PDSS2: variants seen among roughly 807,000 people sequenced by gnomAD.
The protein encoded by PDSS2 is all trans-polyprenyl-diphosphate synthase PDSS2.
PDSS2 carries 31 observed loss-of-function variants against 44.5 expected under a neutral mutation model. The observed-to-expected ratio is 0.70, with a 90% CI of 0.52 to 0.94. The LOEUF (loss-of-function observed/expected upper bound fraction) is 0.94. PDSS2 is among the 40% of genes least tolerant of loss of function. The probability of loss-of-function intolerance (pLI) is 0.00; values close to 1 mark genes in which losing one functional copy is unlikely to be tolerated. For missense variants in PDSS2, 452 were observed against 482.2 expected (o/e 0.94, Z 0.59); for synonymous variants, 157 against 180.3 (o/e 0.87, Z 1.03).
intron 3 of PDSS2, among the ~76,000 whole-genome samples, chr6:107,272,032 A>C (rs979005352): frequency 6.6e-6 from 1 of 151,302 alleles, no homozygotes; most frequent in Non-Finnish European, 1.5e-5. Flanking sequence ...ACTCCAGCCT[A>C]GGTTACAGAG....
intron 2 of PDSS2, among the ~76,000 whole-genome samples, chr6:107,306,922 A>T (rs1174879083): frequency 1.3e-5 from 2 of 152,186 alleles, no homozygotes; most frequent in African/African-American, 4.8e-5. Flanking sequence ...TCAGGTCTCA[A>T]ATAGTTATAA....
At chr6:107,364,140 T>A (rs1284062602) in intron 1 of PDSS2, among the ~76,000 whole-genome samples, 2 of 152,184 alleles carry the variant, frequency 1.3e-5, no homozygotes, top group Admixed American at 6.5e-5. Context: ...ATATAAAGAC[T>A]CTCCACGTCC....
At chr6:107,259,592 T>A (rs895518533) in intron 3 of PDSS2, among the ~76,000 whole-genome samples, 1 of 151,996 alleles carries the variant, frequency 6.6e-6, no homozygotes, top group African/African-American at 2.4e-5. Flanking sequence ...GAAGAATCTC[T>A]TGAACCCAGG....
At chr6:107,279,977 A>C (rs939207644) in intron 2 of PDSS2, among the ~76,000 whole-genome samples, 1 of 152,210 alleles carries the variant, frequency 6.6e-6, no homozygotes, top group African/African-American at 2.4e-5. Flanking sequence ...CTTTCAATGC[A>C]CTGGATTTTT....
chr6:107,249,638 C>T (rs551706574), intron 3 of PDSS2, among the ~76,000 whole-genome samples: 3 of 152,218 alleles, frequency 2.0e-5, no homozygotes, highest in East Asian at 1.9e-4. Flanking sequence ...TGTTGAAATA[C>T]GACTCTACAG....
intron 7 of PDSS2, among the ~76,000 whole-genome samples, chr6:107,189,329 C>T (rs1772286433): frequency 6.6e-6 from 1 of 151,928 alleles, no homozygotes; most frequent in African/African-American, 2.4e-5. Flanking sequence ...TATACCCAGA[C>T]ATATATTTTT....
intron 4 of PDSS2, among the ~76,000 whole-genome samples, chr6:107,229,450 TG>T (rs1363176559): frequency 6.6e-6 from 1 of 152,230 alleles, no homozygotes; most frequent in Non-Finnish European, 1.5e-5. Context: ...CCCAAAGTGC[TG>T]GGATTACAGG....
intron 1 of PDSS2, among the ~76,000 whole-genome samples, chr6:107,356,872 C>T (rs549204371): frequency 3.9e-5 from 6 of 152,164 alleles, no homozygotes; most frequent in African/African-American, 9.6e-5. Flanking sequence ...CTAAAATTTC[C>T]GCAAGTCATT....
chr6:107,198,387 C>A (rs1458830131), intron 6 of PDSS2, among the ~76,000 whole-genome samples: 1 of 152,134 alleles, frequency 6.6e-6, no homozygotes. Flanking sequence ...TCTGAACATG[C>A]AACTATTGAT....
chr6:107,263,529 G>A (rs1324306992), intron 3 of PDSS2, among the ~76,000 whole-genome samples: 1 of 152,040 alleles, frequency 6.6e-6, no homozygotes, highest in East Asian at 1.9e-4. Flanking sequence ...CTTGTTGTTA[G>A]GTTTCTGGTT....
chr6:107,392,280 T>A lies in PDSS2; in HGVS notation c.297-57948A>T, dbSNP rs546811534. Among the ~76,000 whole-genome samples the A allele has an allele frequency of 2.0e-3, 308 of 152,326 alleles. 3 individuals carry two copies. The highest frequency in any genetic ancestry group is 6.9e-3 in the African/African-American group (287 of 41,588). On this transcript the variant is annotated intron_variant, in intron 1 of 7. Transcript: ENST00000369037. ...AGAAGCTAATTGGGCAGCAGCTCTGTCAGTATACTGAAGTAGATTTCAATT... is the reference window on the plus strand; with the variant it reads ...AGAAGCTAATTGGGCAGCAGCTCTGACAGTATACTGAAGTAGATTTCAATT...
chr6:107,162,933 T>G (rs1771201317), intron 7 of PDSS2, among the ~76,000 whole-genome samples: 5 of 151,932 alleles, frequency 3.3e-5, no homozygotes, highest in Admixed American at 3.3e-4. Flanking sequence ...GGCTGAATTA[T>G]CTAACATTTA....
chr6:107,459,396 A>G lies in PDSS2; in HGVS notation c.-111T>C. On this transcript the variant is annotated 5_prime_UTR_variant, in exon 1 of 8. Transcript: ENST00000369037. This position sits in a 1 kb window ranked among gnomAD's most constrained non-coding sequence, Gnocchi z 4.3. Reference sequence around the variant, plus strand: ...AACTAAAAGGAAGCGGCAATTCTTGACCCTCAGAGTAAGGTGGCTTCCTGG... The same window carrying G: ...AACTAAAAGGAAGCGGCAATTCTTGGCCCTCAGAGTAAGGTGGCTTCCTGG... The G allele has an allele frequency of 1.2e-6, 1 of 859,080 alleles. No individual in the cohort carries two copies. The highest frequency in any genetic ancestry group is 1.9e-6 in the Non-Finnish European group (1 of 537,464). The allele number at this position is 859,080 out of a possible 1,614,324, so 53.2% of individuals were successfully genotyped here.
intron 2 of PDSS2, among the ~76,000 whole-genome samples, chr6:107,300,803 A>G (rs925049575): frequency 3.3e-5 from 5 of 152,220 alleles, no homozygotes; most frequent in Non-Finnish European, 5.9e-5. Context: ...ACACGTGCAT[A>G]AACACATATT....
In PDSS2 at chr6:107,227,278, CTTTTTTTTT is replaced by C. The variant is rs60988844; in HGVS notation, c.703-15005_703-14997del. Among the ~76,000 whole-genome samples, 23 of 102,806 alleles carry C rather than the reference CTTTTTTTTT, an allele frequency of 2.2e-4. 1 individual carries two copies. The highest frequency in any genetic ancestry group is 1.1e-3 in the East Asian group (4 of 3,690). The allele number at this position is 102,806 out of a possible 152,430, so 67.4% of individuals were successfully genotyped here. ...GATTATAGGTGTAAGCCACTGTGCC[CTTTTTTTTT>C]TTTTTTTTTTTTTTTTTTTGAGACA... On this transcript the variant is annotated intron_variant, in intron 4 of 7. Coordinates refer to ENST00000369037, the MANE Select transcript of PDSS2 (RefSeq NM_020381.4).
At chr6:107,339,652 A>G (rs1778017898) in intron 1 of PDSS2, among the ~76,000 whole-genome samples, 1 of 152,174 alleles carries the variant, frequency 6.6e-6, no homozygotes, top group Admixed American at 6.5e-5. Context: ...ACTTTGCAGG[A>G]AAGTCAGTCT....
chr6:107,207,984 T>TG (rs1305765545), intron 6 of PDSS2, among the ~76,000 whole-genome samples: 8 of 143,974 alleles, frequency 5.6e-5, no homozygotes, highest in Admixed American at 2.8e-4. Flanking sequence ...ACTTGTTTTT[T>TG]TTTTTTTTTT....
At chr6:107,190,839 C>T (rs546682229) in intron 7 of PDSS2, among the ~76,000 whole-genome samples, 29 of 152,134 alleles carry the variant, frequency 1.9e-4, no homozygotes, top group East Asian at 3.9e-4. Context: ...CACACAGCCC[C>T]GTATATGCCA....
chr6:107,273,889 T>C (rs1775684282), intron 3 of PDSS2, 140 bp downstream of exon 3: 2 of 713,542 alleles, frequency 2.8e-6, no homozygotes, highest in East Asian at 2.6e-5. Flanking sequence ...GCCATCATTA[T>C]GTTCATCACA....
Sources: allele counts gnomAD v4.1 joint callset (sites outside exome capture counted in the v4.1 genomes callset), GRCh38; gene constraint gnomAD v4.1.1; non-coding constraint Gnocchi (gnomAD v3.1); transcripts MANE v1.5; gene names NCBI Gene and HGNC (gene_info 2026-07-23, HGNC 2026-07-21).